DNAJC13: variants seen among roughly 807,000 people sequenced by gnomAD.
The protein encoded by DNAJC13 is dnaJ homolog subfamily C member 13.
In DNAJC13, 75 loss-of-function variants were observed where a neutral mutation model predicts 290.5. That is an observed-to-expected ratio of 0.26 (90% CI 0.21 to 0.31). DNAJC13 has a LOEUF of 0.31. DNAJC13 is among the 10% of genes least tolerant of loss of function. The pLI is 1.00. For synonymous variants in DNAJC13, 862 were observed against 892.0 expected (o/e 0.97, Z 0.60); for missense variants, 2,260 against 2,674.5 (o/e 0.85, Z 3.42).
intron 23 of DNAJC13, 28 bp from the exon 24 acceptor site, chr3:132,477,953 A>G (rs755441902): frequency 1.9e-6 from 3 of 1,600,490 alleles, no homozygotes; most frequent in Middle Eastern, 1.7e-4. Context: ...GGCTATTTCT[A>G]TTGTGAACTT....
intron 29 of DNAJC13, among the ~76,000 whole-genome samples, chr3:132,486,610 A>T (rs1934886544): frequency 6.6e-6 from 1 of 152,146 alleles, no homozygotes; most frequent in African/African-American, 2.4e-5. Flanking sequence ...ATTGAGTTCA[A>T]AAATTATTTT....
chr3:132,484,641 C>T lies in DNAJC13; in HGVS notation c.3236C>T (p.Ser1079Leu), dbSNP rs1389389905. 3 of 1,614,082 alleles carry T rather than the reference C, an allele frequency of 1.9e-6. No homozygotes were observed. The highest frequency in any genetic ancestry group is 2.2e-5 in the South Asian group (2 of 91,076). The change falls in exon 29 of 56, where the codon TCA becomes TTA. Residue 1079 changes from serine to leucine, a missense_variant. By Grantham distance (145) the Ser-to-Leu change is moderately radical (BLOSUM62 -2). Transcript: ENST00000260818. The stretch of plus-strand genomic sequence containing the variant: ...CTACCCAAAGTGAAAAGACTGCTGT[C>T]AGATAGCACTTGCCTTCCCCATATT... ...RPLPKVKRLL[S>L]DSTCLPHIIQ...
At chr3:132,517,782 T>C (rs1935961617) in intron 48 of DNAJC13, among the ~76,000 whole-genome samples, 4 of 152,332 alleles carry the variant, frequency 2.6e-5, no homozygotes, top group Admixed American at 2.6e-4. Flanking sequence ...AGTCCGAGGC[T>C]AATTAAACAC....
intron 46 of DNAJC13, among the ~76,000 whole-genome samples, chr3:132,515,435 A>G (rs6779627): frequency 0.024 from 3,586 of 152,132 alleles, 48 homozygotes; most frequent in African/African-American, 0.037. Context: ...TTGAATTTCC[A>G]TGGAAATTTT....
intron 45 of DNAJC13, 24 bp downstream of exon 45, chr3:132,513,123 G>A (rs113719807): frequency 2.7e-5 from 42 of 1,579,510 alleles, no homozygotes; most frequent in African/African-American, 1.2e-4. Flanking sequence ...GTACTAAAGC[G>A]TGTTGCCTTT....
At chr3:132,452,249 C>A (rs924187580) in intron 6 of DNAJC13, among the ~76,000 whole-genome samples, 1 of 152,198 alleles carries the variant, frequency 6.6e-6, no homozygotes, top group African/African-American at 2.4e-5. Flanking sequence ...TTGGGGGCAG[C>A]AAGAAGTTTT....
intron 39 of DNAJC13, 131 bp from the exon 40 acceptor site, chr3:132,502,158 G>T: frequency 1.4e-6 from 1 of 700,518 alleles, no homozygotes; most frequent in Non-Finnish European, 2.2e-6. Context: ...AATTGAAAAT[G>T]TAAGAAGAGG....
At position 132,502,299 on chromosome 3, in the gene DNAJC13, G is replaced by A. The variant is rs139620588; in HGVS notation, c.4547G>A (p.Arg1516His). Residue 1516 changes from arginine (R) to histidine (H), a missense_variant, in exon 40 of 56, where the codon CGC becomes CAC. By Grantham distance (29) the Arg-to-His change is conservative. This residue lies in a region of DNAJC13 where 1,494 missense variants were observed against 1,693.7 expected (regional missense o/e 0.88). Transcript: ENST00000260818. ...TTTTTATTCTCTCAGAGTATTCCCC[G>A]CGTAGCTGCTCTTGGGGTAGAATGT... ...RVLYFGKSIP[R>H]VAALGVECVS... The A allele has an allele frequency of 3.1e-3, 5,032 of 1,608,852 alleles. 15 individuals are homozygous for A. The highest frequency in any genetic ancestry group is 3.7e-3 in the Non-Finnish European group (4,406 of 1,178,458).
At chr3:132,480,343 A>G in intron 25 of DNAJC13, 26 bp from the exon 26 acceptor site, 1 of 1,538,226 alleles carries the variant, frequency 6.5e-7, no homozygotes, top group South Asian at 1.1e-5. Flanking sequence ...TGTTTAGATT[A>G]CGAAAAAAAT....
chr3:132,459,673 C>T (rs1001795752), intron 13 of DNAJC13, among the ~76,000 whole-genome samples: 4 of 152,144 alleles, frequency 2.6e-5, no homozygotes, highest in Admixed American at 1.3e-4. Flanking sequence ...GGCTTTGTAT[C>T]TTACATGAAT....
Position 132,463,685 on chromosome 3 carries a change from T to C in DNAJC13, c.1771-11T>C. The stretch of plus-strand genomic sequence containing the variant: ...TGCCACCTTAGGGATCATCTTACCC[T>C]TTTTCCAAAGGAAGGTGATAAAGAA... On this transcript the variant is annotated splice_polypyrimidine_tract_variant and intron_variant, in intron 16 of 55. Coordinates refer to ENST00000260818, the MANE Select transcript of DNAJC13 (RefSeq NM_015268.4). The C allele has an allele frequency of 1.2e-6, 2 of 1,607,188 alleles. No homozygotes were observed.
At chr3:132,460,801 A>G (rs2107673398) in intron 14 of DNAJC13, among the ~76,000 whole-genome samples, 1 of 152,206 alleles carries the variant, frequency 6.6e-6, no homozygotes, top group East Asian at 1.9e-4. Flanking sequence ...TACACATTTG[A>G]GAAGTCTTGG....
chr3:132,527,757 A>T (rs1448427841), intron 53 of DNAJC13, among the ~76,000 whole-genome samples: 1 of 152,226 alleles, frequency 6.6e-6, no homozygotes, highest in Non-Finnish European at 1.5e-5. Context: ...GCTGATATGA[A>T]ATGTACGATG....
In DNAJC13 at chr3:132,505,953, C is replaced by T. The variant is rs1426288450; in HGVS notation, c.4998+538C>T. Among the ~76,000 whole-genome samples the T allele has an allele frequency of 2.0e-5, 3 of 151,108 alleles. No individual in the cohort carries two copies. In the East Asian group the frequency reaches 5.8e-4, roughly 29 times the overall value. ...CTCAGTTATTTAGCGTTTTTGAGCT[C>T]ATTCCATGTTAGTCATCTAGAACTC... is the stretch of plus-strand genomic sequence containing the variant. On this transcript the variant is annotated intron_variant, in intron 42 of 55. Coordinates refer to ENST00000260818, the MANE Select transcript of DNAJC13 (RefSeq NM_015268.4).
At chr3:132,521,144 A>G (rs1936076690) in intron 48 of DNAJC13, among the ~76,000 whole-genome samples, 1 of 152,148 alleles carries the variant, frequency 6.6e-6, no homozygotes, top group Non-Finnish European at 1.5e-5. Context: ...CATGCCTGTA[A>G]TCCCAGCTAT....
chr3:132,445,756 T>G (rs1353912914), intron 2 of DNAJC13, among the ~76,000 whole-genome samples: 1 of 152,120 alleles, frequency 6.6e-6, no homozygotes, highest in Admixed American at 6.5e-5. Context: ...ATACTAATGT[T>G]TTATCCATTT....
chr3:132,522,208 G>C (rs893154578), intron 48 of DNAJC13, among the ~76,000 whole-genome samples: 1 of 152,112 alleles, frequency 6.6e-6, no homozygotes, highest in Non-Finnish European at 1.5e-5. Context: ...TAAACGTGAC[G>C]ATCTGAAGGA....
At position 132,516,730 on chromosome 3, in the gene DNAJC13, T is replaced by G. The variant is rs1226026782; in HGVS notation, c.5587T>G (p.Phe1863Val). 1.2e-6 allele frequency: 2 copies of G among 1,613,490 alleles called. No homozygotes were observed. The highest frequency in any genetic ancestry group is 1.7e-6 in the Non-Finnish European group (2 of 1,179,660). Reference sequence around the variant, plus strand: ...TGCTTTGATCTATTTACTGGATATGTTCTGCAATTCAACACATCCACAGGT... The same window carrying G: ...TGCTTTGATCTATTTACTGGATATGGTCTGCAATTCAACACATCCACAGGT... ...KGALIYLLDM[F>V]CNSTHPQVRA... is the part of the protein sequence containing the mutation. The change falls in exon 48 of 56, where the codon TTC (phenylalanine) becomes GTC (valine). Residue 1863 changes from phenylalanine (F) to valine (V), a missense_variant. By Grantham distance (50) the Phe-to-Val change is conservative. This residue lies in a region of DNAJC13 where 1,494 missense variants were observed against 1,693.7 expected (regional missense o/e 0.88). Transcript: ENST00000260818.
At chr3:132,465,175 T>G (rs1933934066) in intron 17 of DNAJC13, among the ~76,000 whole-genome samples, 1 of 152,160 alleles carries the variant, frequency 6.6e-6, no homozygotes, top group African/African-American at 2.4e-5. Context: ...AAGTATATTT[T>G]GGGTTTTGCA....
Sources: allele counts gnomAD v4.1 joint callset (sites outside exome capture counted in the v4.1 genomes callset), GRCh38; gene constraint gnomAD v4.1.1; regional missense constraint gnomAD v4.1.1; transcripts MANE v1.5; gene names NCBI Gene and HGNC (gene_info 2026-07-23, HGNC 2026-07-21).